FAM81A: variants seen among roughly 807,000 people sequenced by gnomAD.
FAM81A encodes family with sequence similarity 81 member A.
A neutral mutation model predicts 46.7 loss-of-function variants in FAM81A; 19 were observed. That is an observed-to-expected ratio of 0.41 (90% CI 0.28 to 0.60). The LOEUF (loss-of-function observed/expected upper bound fraction) is 0.60, where lower values mean the gene tolerates loss of function less well. Among genes scored for constraint, FAM81A ranks in the 20% least tolerant of loss-of-function variants. FAM81A has a pLI of 0.34. For synonymous variants in FAM81A, 183 were observed against 152.9 expected, an observed-to-expected ratio of 1.20 and a Z score of -1.45; for missense variants, 377 against 453.5, an observed-to-expected ratio of 0.83 and a Z score of 1.53.
At chr15:59,493,221 C>T (rs2081999681) in intron 4 of FAM81A, among the ~76,000 whole-genome samples, 2 of 152,164 alleles carry the variant, frequency 1.3e-5, no homozygotes, top group South Asian at 4.1e-4. Context: ...GCCTCTGGAG[C>T]AGGGAGGAGT....
At chr15:59,413,054 C>T (rs575455843) in intron 2 of FAM81A, among the ~76,000 whole-genome samples, 5 of 152,270 alleles carry the variant, frequency 3.3e-5, no homozygotes, top group East Asian at 1.9e-4. Context: ...TTTTGTTATA[C>T]GTGCAGCTCC....
intron 3 of FAM81A, among the ~76,000 whole-genome samples, chr15:59,470,313 C>T (rs2081669359): frequency 6.6e-6 from 1 of 152,158 alleles, no homozygotes; most frequent in Admixed American, 6.5e-5. Context: ...AACTTGGTTC[C>T]ATTCTCCCCA....
intron 3 of FAM81A, among the ~76,000 whole-genome samples, chr15:59,469,869 A>G (rs1433440586): frequency 2.0e-5 from 3 of 152,008 alleles, no homozygotes; most frequent in Admixed American, 1.3e-4. Context: ...GTTCCTTTCC[A>G]TGTTTAGTGC....
chr15:59,455,797 G>A (rs574866189), intron 1 of FAM81A, among the ~76,000 whole-genome samples: 22 of 152,268 alleles, frequency 1.4e-4, no homozygotes, highest in African/African-American at 4.8e-4. Context: ...TTCAGAGAAG[G>A]GGATGCCAAA....
intron 3 of FAM81A, among the ~76,000 whole-genome samples, chr15:59,484,948 A>G (rs899992892): frequency 2.0e-5 from 3 of 152,060 alleles, no homozygotes; most frequent in African/African-American, 7.2e-5. Context: ...CTGAATAAAG[A>G]GCCCTTGGGC....
At chr15:59,511,399 A>C (rs1394192431) in intron 6 of FAM81A, among the ~76,000 whole-genome samples, 2 of 152,256 alleles carry the variant, frequency 1.3e-5, no homozygotes, top group Non-Finnish European at 2.9e-5. Flanking sequence ...TAAAAGAATA[A>C]AATTGGTATA....
At chr15:59,497,898 C>T (rs748926548) in intron 4 of FAM81A, among the ~76,000 whole-genome samples, 2 of 152,166 alleles carry the variant, frequency 1.3e-5, no homozygotes, top group Non-Finnish European at 2.9e-5. Context: ...TCCTTTGTTG[C>T]CCACACTGGA....
intron 3 of FAM81A, among the ~76,000 whole-genome samples, chr15:59,470,266 GA>G (rs1194055530): frequency 6.6e-6 from 1 of 152,134 alleles, no homozygotes; most frequent in Non-Finnish European, 1.5e-5. Flanking sequence ...CTAGGTTGGG[GA>G]AATTCTCCTG....
intron 1 of FAM81A, among the ~76,000 whole-genome samples, chr15:59,400,898 A>G (rs2081067485): frequency 6.6e-6 from 1 of 152,144 alleles, no homozygotes; most frequent in African/African-American, 2.4e-5. Flanking sequence ...CTATTGATGC[A>G]TTTTTAGTAG....
At chr15:59,486,860 A>G (rs1433940717) in intron 3 of FAM81A, among the ~76,000 whole-genome samples, 3 of 152,184 alleles carry the variant, frequency 2.0e-5, no homozygotes, top group African/African-American at 4.8e-5. Context: ...TATCAACACC[A>G]GGCCTGTCCT....
At chr15:59,470,574 C>T (rs1285193203) in intron 3 of FAM81A, among the ~76,000 whole-genome samples, 1 of 152,202 alleles carries the variant, frequency 6.6e-6, no homozygotes, top group South Asian at 2.1e-4. Context: ...AAGGTCTTCT[C>T]TACACTGTTT....
At chr15:59,459,827 TGTA>T (rs2081529115) in intron 2 of FAM81A, 103 bp from the exon 3 acceptor site, 1 of 1,407,602 alleles carries the variant, frequency 7.1e-7, no homozygotes, top group African/African-American at 1.5e-5. Context: ...CTATTTAGCT[TGTA>T]GTTATAGATA....
At chr15:59,461,306 TTTTGTTTGTTTG>T (rs1173747796) in intron 3 of FAM81A, among the ~76,000 whole-genome samples, 3 of 152,038 alleles carry the variant, frequency 2.0e-5, no homozygotes, top group Admixed American at 6.5e-5. Flanking sequence ...TTTTCTTTCT[TTTTGTTTGTTTG>T]TTTGTTTGTT....
At chr15:59,516,624 A>T in intron 7 of FAM81A, 21 bp from the exon 8 acceptor site, 3 of 1,600,666 alleles carry the variant, frequency 1.9e-6, no homozygotes, top group Non-Finnish European at 2.5e-6. Flanking sequence ...GATTAAGTGC[A>T]GTTCTTATCA....
Position 59,460,837 on chromosome 15 carries a change from AATGTTC to A in FAM81A, c.294+634_294+639del, listed in dbSNP as rs1555429485. On this transcript the variant is annotated intron_variant, in intron 3 of 8. Transcript: ENST00000288228. This position sits in a 1 kb window ranked among gnomAD's most constrained non-coding sequence, Gnocchi z 4.4. ...AGGGCTTGGGTTTCCCTCACTACGC[AATGTTC>A]ATATCTTTCACATGTAATGACTGAA... Among the ~76,000 whole-genome samples, 2 of 152,218 alleles carry A rather than the reference AATGTTC, an allele frequency of 1.3e-5. No homozygotes were observed. The highest frequency in any genetic ancestry group is 2.9e-5 in the Non-Finnish European group (2 of 68,038).
intron 6 of FAM81A, among the ~76,000 whole-genome samples, chr15:59,512,615 G>A (rs1349977089): frequency 2.6e-5 from 4 of 152,032 alleles, no homozygotes; most frequent in African/African-American, 9.7e-5. Context: ...AAGTACACTT[G>A]GGTCTTCTAA....
chr15:59,519,931 G>A (rs1460053445), intron 8 of FAM81A, among the ~76,000 whole-genome samples: 1 of 152,090 alleles, frequency 6.6e-6, no homozygotes, highest in Non-Finnish European at 1.5e-5. Flanking sequence ...ATACCCAGTA[G>A]TGAGATTGCT....
At chr15:59,488,137 A>G (rs1024157094) in intron 3 of FAM81A, among the ~76,000 whole-genome samples, 5 of 152,250 alleles carry the variant, frequency 3.3e-5, no homozygotes, top group Non-Finnish European at 7.3e-5. Flanking sequence ...AATCAGTGTG[A>G]TACATCATAT....
chr15:59,480,450 A>C (rs773504196), intron 3 of FAM81A, among the ~76,000 whole-genome samples: 1 of 152,182 alleles, frequency 6.6e-6, no homozygotes, highest in African/African-American at 2.4e-5. Flanking sequence ...AGGCTCCCAC[A>C]GAAGTCCCTA....
Sources: gnomAD v4.1 joint callset for allele counts (sites outside exome capture counted in the v4.1 genomes callset) on GRCh38, gnomAD v4.1.1 for gene constraint, Gnocchi (gnomAD v3.1) non-coding constraint, MANE v1.5 for transcripts, NCBI Gene and HGNC (gene_info 2026-07-23, HGNC 2026-07-21) for gene names.